Variants in KCNJ15 observed in about 807,000 individuals in gnomAD.
The protein encoded by KCNJ15 is ATP-sensitive inward rectifier potassium channel 15.
A neutral mutation model predicts 23.0 loss-of-function variants in KCNJ15; 14 were observed. That is an observed-to-expected ratio of 0.61 (90% CI 0.40 to 0.95). The LOEUF is 0.95. Ranked by LOEUF, KCNJ15 falls within the 40% of genes least tolerant of loss-of-function variation. The pLI is 0.00. For synonymous variants in KCNJ15, 185 were observed against 183.2 expected, an observed-to-expected ratio of 1.01 and a Z score of -0.08; for missense variants, 388 against 461.8, an observed-to-expected ratio of 0.84 and a Z score of 1.46.
intron 1 of KCNJ15, among the ~76,000 whole-genome samples, chr21:38,282,931 G>T (rs945701542): frequency 1.3e-5 from 2 of 152,154 alleles, no homozygotes; most frequent in Non-Finnish European, 2.9e-5. Flanking sequence ...TTTGAGCGGG[G>T]CCTCGAGGGA....
At chr21:38,236,424 C>T (rs1245707313) in intron 1 of KCNJ15, among the ~76,000 whole-genome samples, 2 of 152,116 alleles carry the variant, frequency 1.3e-5, no homozygotes, top group African/African-American at 4.8e-5. Flanking sequence ...GGGGAGGAAG[C>T]CTGTATTCTC....
chr21:38,271,950 C>A (rs1982146395), intron 1 of KCNJ15, among the ~76,000 whole-genome samples: 1 of 152,120 alleles, frequency 6.6e-6, no homozygotes. Flanking sequence ...AAGAAACGGC[C>A]AAAACCTGCG....
intron 1 of KCNJ15, among the ~76,000 whole-genome samples, chr21:38,282,004 T>G (rs1239902594): frequency 6.6e-6 from 1 of 152,154 alleles, no homozygotes; most frequent in Non-Finnish European, 1.5e-5. Context: ...TGATATGCAT[T>G]TCTCTAGTGA....
chr21:38,277,458 C>G (rs1338561963), intron 1 of KCNJ15, among the ~76,000 whole-genome samples: 1 of 152,180 alleles, frequency 6.6e-6, no homozygotes, highest in Non-Finnish European at 1.5e-5. Context: ...AGTAATTACT[C>G]TCCTCCAGTA....
At chr21:38,243,892 G>A (rs1390019991) in intron 1 of KCNJ15, among the ~76,000 whole-genome samples, 2 of 152,154 alleles carry the variant, frequency 1.3e-5, no homozygotes, top group Non-Finnish European at 2.9e-5. Flanking sequence ...AGCACTAGAC[G>A]GTTATTGTCA....
chr21:38,275,463 A>G (rs9305640), intron 1 of KCNJ15, among the ~76,000 whole-genome samples: 100,071 of 148,118 alleles, frequency 0.68, 34,231 homozygotes, highest in South Asian at 0.74. Context: ...CAGAGGTTGC[A>G]GTGAGCCAAG....
chr21:38,245,303 C>T (rs1249919250), intron 1 of KCNJ15, among the ~76,000 whole-genome samples: 1 of 151,588 alleles, frequency 6.6e-6, no homozygotes, highest in African/African-American at 2.4e-5. Context: ...ATGTCCAGGC[C>T]CCACCCCAGA....
At chr21:38,284,426 G>T (rs991980418) in intron 1 of KCNJ15, among the ~76,000 whole-genome samples, 2 of 152,086 alleles carry the variant, frequency 1.3e-5, no homozygotes, top group Non-Finnish European at 2.9e-5. Context: ...GGAGACGCCT[G>T]TTGACTCTGT....
intron 1 of KCNJ15, among the ~76,000 whole-genome samples, chr21:38,286,111 C>T (rs1471918493): frequency 2.0e-5 from 3 of 152,004 alleles, no homozygotes; most frequent in African/African-American, 7.3e-5. Context: ...GGCGTGGTGG[C>T]GGGTGCCTGT....
chr21:38,279,287 C>A (rs1214129115), intron 1 of KCNJ15, among the ~76,000 whole-genome samples: 7 of 152,114 alleles, frequency 4.6e-5, no homozygotes, highest in Non-Finnish European at 5.9e-5. Context: ...GTTGTTCTGG[C>A]AGTCTTGCAA....
At chr21:38,290,703 C>G (rs1984510828) in intron 1 of KCNJ15, among the ~76,000 whole-genome samples, 1 of 152,010 alleles carries the variant, frequency 6.6e-6, no homozygotes, top group African/African-American at 2.4e-5. Context: ...GATGGAGATG[C>G]TGCGGTTGGA....
rs375287514 is a variant in KCNJ15 at position 38,295,704 on chromosome 21, C to A, written c.-116-1222C>A. Among the ~76,000 whole-genome samples, 65 of 152,172 alleles carry A rather than the reference C, an allele frequency of 4.3e-4. 2 individuals are homozygous for A. The South Asian group carries it at 0.014, about 32-fold the overall frequency. The stretch of plus-strand genomic sequence containing the variant: ...TTGAAGAATCACTAAGGGAATATAA[C>A]CTAAGGCAGTAACATAAAATTATAT... On this transcript the variant is annotated intron_variant, in intron 1 of 2. Coordinates refer to ENST00000398938, the MANE Select transcript of KCNJ15 (RefSeq NM_170736.3).
intron 1 of KCNJ15, among the ~76,000 whole-genome samples, chr21:38,232,982 T>C (rs901827395): frequency 1.3e-5 from 2 of 152,012 alleles, no homozygotes; most frequent in Non-Finnish European, 2.9e-5. Flanking sequence ...TATAGTGTTG[T>C]TTGTTTATAA....
At chr21:38,288,049 T>TTTTTTTTTTTTTTTTTTTG (rs1984154890) in intron 1 of KCNJ15, among the ~76,000 whole-genome samples, 1 of 103,954 alleles carries the variant, frequency 9.6e-6, no homozygotes, top group Admixed American at 1.0e-4. Context: ...TTTTTTTTTT[T>TTTTTTTTTTTTTTTTTTTG]TTTTTTTTTG....
At position 38,304,660 on chromosome 21, in the gene KCNJ15, A is replaced by ATTTTTTTTT. The variant is rs1167512010; in HGVS notation, c.*4272_*4273insTTTTTTTTT. The ATTTTTTTTT allele has an allele frequency of 7.3e-5, 3 of 41,116 alleles. No homozygotes were observed. The highest frequency in any genetic ancestry group is 3.2e-4 in the Admixed American group (1 of 3,170). 2.5% of individuals were successfully genotyped at this position (41,116 alleles called of 1,614,324 possible). On this transcript the variant is annotated 3_prime_UTR_variant, in exon 3 of 3. Transcript: ENST00000398938. ...CTTTACCCTTTGTAAACTTCAATTT[A>ATTTTTTTTT]TCTTTTTTTTTTTTTTTTTTTTTTT...
At chr21:38,274,262 C>G (rs915500727) in intron 1 of KCNJ15, among the ~76,000 whole-genome samples, 4 of 152,230 alleles carry the variant, frequency 2.6e-5, no homozygotes, top group Admixed American at 6.5e-5. Flanking sequence ...CTCTTGTTGC[C>G]TCTCCTACAT....
rs1211220339 is a variant in KCNJ15 at position 38,305,049 on chromosome 21, C to T, written c.*4660C>T. On this transcript the variant is annotated 3_prime_UTR_variant, in exon 3 of 3. Coordinates refer to ENST00000398938, the MANE Select transcript of KCNJ15 (RefSeq NM_170736.3). ...GAGCTAAGATCGCGCCACTGCACTCCAGCCTGGGCAACAAAAGTAAAACTC... is the reference window on the plus strand; with the variant it reads ...GAGCTAAGATCGCGCCACTGCACTCTAGCCTGGGCAACAAAAGTAAAACTC... 7.6e-6 allele frequency: 1 copy of T among 130,866 alleles called. No individual in the cohort carries two copies. The highest frequency in any genetic ancestry group is 1.6e-5 in the Non-Finnish European group (1 of 63,734). The allele number at this position is 130,866 out of a possible 1,614,324, so 8.1% of individuals were successfully genotyped here.
At position 38,299,525 on chromosome 21, in the gene KCNJ15, C is replaced by T. The variant is rs3746876; in HGVS notation, c.264C>T (p.Ile88=). 0.013 allele frequency: 21,469 copies of T among 1,614,088 alleles called. 478 individuals are homozygous for T. Among genetic ancestry groups the T allele is most frequent in the African/African-American group, 0.081 (6,085 of 75,004 alleles). The change falls in exon 3 of 3, where the codon ATC becomes ATT. Residue 88 remains isoleucine (I), a synonymous_variant. Transcript: ENST00000398938. The surrounding 1 kb of genome is among the most constrained non-coding windows in gnomAD (Gnocchi z 4.5). ...TTTTTGGAGTCATCTACTATGCCAT[C>T]GCGTTTATTCATGGGGACTTAGAAC... The part of the protein sequence containing the change: ...WFLFGVIYYA[I]AFIHGDLEPG...
At chr21:38,282,793 A>G (rs1173837297) in intron 1 of KCNJ15, among the ~76,000 whole-genome samples, 1 of 152,144 alleles carries the variant, frequency 6.6e-6, no homozygotes, top group African/African-American at 2.4e-5. Context: ...TGCCCAGTCT[A>G]TGGGGAAAGC....
Sources: gnomAD v4.1 joint callset for allele counts (sites outside exome capture counted in the v4.1 genomes callset) on GRCh38, gnomAD v4.1.1 for gene constraint, Gnocchi (gnomAD v3.1) non-coding constraint, MANE v1.5 for transcripts, NCBI Gene and HGNC (gene_info 2026-07-23, HGNC 2026-07-21) for gene names.